Variants in DAB1 observed in about 807,000 individuals in gnomAD.
DAB1 encodes DAB adaptor protein 1.
A neutral mutation model predicts 64.6 loss-of-function variants in DAB1; 15 were observed. The observed-to-expected ratio is 0.23, with a 90% confidence interval of 0.16 to 0.36. The LOEUF (loss-of-function observed/expected upper bound fraction) is 0.36. DAB1 is among the 10% of genes least tolerant of loss of function. The probability of loss-of-function intolerance (pLI) is 1.00; values close to 1 mark genes in which losing one functional copy is unlikely to be tolerated. For missense variants in DAB1, 596 were observed against 706.7 expected, an observed-to-expected ratio of 0.84 and a Z score of 1.78; for synonymous variants, 235 against 251.9, an observed-to-expected ratio of 0.93 and a Z score of 0.64.
intron 9 of DAB1, among the ~76,000 whole-genome samples, chr1:57,053,688 A>ATATATATATTT (rs1447741565): frequency 5.5e-4 from 39 of 71,400 alleles, no homozygotes; most frequent in Middle Eastern, 0.016. Context: ...ATATATATAT[A>ATATATATATTT]TTTTTTTTTT....
chr1:58,428,714 TA>T (rs111447854), intron 3 of DAB1, among the ~76,000 whole-genome samples: 52 of 152,338 alleles, frequency 3.4e-4, no homozygotes, highest in African/African-American at 1.3e-3. Flanking sequence ...CTAAATACTC[TA>T]TTGGAAAGAG....
chr1:57,699,882 C>T (rs1315773239), intron 6 of DAB1, among the ~76,000 whole-genome samples: 1 of 152,060 alleles, frequency 6.6e-6, no homozygotes, highest in Non-Finnish European at 1.5e-5. Context: ...CACTACACTC[C>T]AGCCTGGTGA....
intron 1 of DAB1, among the ~76,000 whole-genome samples, chr1:58,541,329 A>C (rs1240108795): frequency 8.0e-5 from 11 of 137,048 alleles, no homozygotes; most frequent in East Asian, 6.2e-4. Flanking sequence ...AAAAAAAAAA[A>C]AAAACAGGAA....
chr1:57,722,445 A>G (rs1304323077), intron 6 of DAB1, among the ~76,000 whole-genome samples: 3 of 152,288 alleles, frequency 2.0e-5, no homozygotes, highest in South Asian at 2.1e-4. Flanking sequence ...TGCCCTTAAA[A>G]GGCTTGAATA....
At chr1:58,491,577 A>T (rs1439999863) in intron 3 of DAB1, among the ~76,000 whole-genome samples, 1 of 152,138 alleles carries the variant, frequency 6.6e-6, no homozygotes, top group Non-Finnish European at 1.5e-5. Flanking sequence ...AAGATCTACC[A>T]AGCAAATGGA....
chr1:58,302,793 ATAT>A (rs1662203784), intron 4 of DAB1, among the ~76,000 whole-genome samples: 2 of 152,148 alleles, frequency 1.3e-5, no homozygotes, highest in Admixed American at 1.3e-4. Flanking sequence ...TAATCAATAA[ATAT>A]TATTATTGTT....
chr1:57,502,369 A>G (rs990003641), intron 7 of DAB1, among the ~76,000 whole-genome samples: 1 of 151,598 alleles, frequency 6.6e-6, no homozygotes, highest in African/African-American at 2.4e-5. Context: ...CTATAGTAGG[A>G]CAGTCAATTG....
intron 6 of DAB1, among the ~76,000 whole-genome samples, chr1:57,817,824 C>T (rs1025335353): frequency 2.0e-5 from 3 of 152,166 alleles, no homozygotes; most frequent in African/African-American, 4.8e-5. Flanking sequence ...AAGGACAGAG[C>T]TCATATTCCA....
intron 3 of DAB1, among the ~76,000 whole-genome samples, chr1:58,488,276 A>C (rs1645611720): frequency 6.6e-6 from 1 of 152,098 alleles, no homozygotes; most frequent in East Asian, 1.9e-4. Flanking sequence ...TGTTATATTA[A>C]TTTTACTATA....
intron 4 of DAB1, among the ~76,000 whole-genome samples, chr1:57,074,094 T>C (rs552556166): frequency 6.6e-6 from 1 of 152,182 alleles, no homozygotes; most frequent in Admixed American, 6.5e-5. Context: ...GGTCTCAGAC[T>C]CCTGGGCTCA....
intron 4 of DAB1, among the ~76,000 whole-genome samples, chr1:58,279,411 T>C (rs1661507444): frequency 6.6e-6 from 1 of 152,212 alleles, no homozygotes; most frequent in African/African-American, 2.4e-5. Context: ...GTTATTAGAC[T>C]GGTCTCTCTG....
At chr1:57,257,760 C>G (rs1669877744) in intron 2 of DAB1, among the ~76,000 whole-genome samples, 1 of 152,228 alleles carries the variant, frequency 6.6e-6, no homozygotes, top group East Asian at 1.9e-4. Flanking sequence ...GGGAGAGAAT[C>G]TACCCCTTGC....
intron 1 of DAB1, among the ~76,000 whole-genome samples, chr1:57,403,297 G>A (rs925159883): frequency 6.6e-6 from 1 of 152,172 alleles, no homozygotes; most frequent in African/African-American, 2.4e-5. Flanking sequence ...TAGGATTTGA[G>A]CCTGGATCGC....
intron 4 of DAB1, among the ~76,000 whole-genome samples, chr1:58,249,613 G>T (rs1660705526): frequency 6.6e-6 from 1 of 152,120 alleles, no homozygotes; most frequent in East Asian, 1.9e-4. Context: ...CGGACTGAGC[G>T]AGGAAATGCT....
intron 3 of DAB1, among the ~76,000 whole-genome samples, chr1:58,364,455 G>A (rs1004832156): frequency 3.3e-5 from 5 of 152,172 alleles, no homozygotes; most frequent in African/African-American, 7.2e-5. Flanking sequence ...TTCATAGTCC[G>A]AATCCCAGCA....
At chr1:57,593,230 G>T (rs1401693008) in intron 7 of DAB1, among the ~76,000 whole-genome samples, 4 of 152,146 alleles carry the variant, frequency 2.6e-5, no homozygotes, top group Admixed American at 1.3e-4. Flanking sequence ...GACTTCCCTA[G>T]GTACTTCATA....
At chr1:57,829,202 A>C (rs1425513897) in intron 1 of DAB1, among the ~76,000 whole-genome samples, 1 of 152,210 alleles carries the variant, frequency 6.6e-6, no homozygotes, top group African/African-American at 2.4e-5. Context: ...TGAAAAATTT[A>C]AAAGTGAATT....
chr1:57,500,762 G>A (rs1403544606), intron 7 of DAB1, among the ~76,000 whole-genome samples: 1 of 152,108 alleles, frequency 6.6e-6, no homozygotes, highest in Admixed American at 6.6e-5. Context: ...TCTGCCTTTG[G>A]TTATAATAGA....
At chr1:57,074,622 T>A (rs1005727090) in intron 4 of DAB1, among the ~76,000 whole-genome samples, 3 of 152,120 alleles carry the variant, frequency 2.0e-5, no homozygotes, top group African/African-American at 7.2e-5. Context: ...ACTTCCAGGG[T>A]CTGATCATTC....
Sources: gnomAD v4.1 joint callset for allele counts (sites outside exome capture counted in the v4.1 genomes callset) on GRCh38, gnomAD v4.1.1 for gene constraint, MANE v1.5 for transcripts, NCBI Gene and HGNC (gene_info 2026-07-23, HGNC 2026-07-21) for gene names.